The following OTUD7A variants were observed in gnomAD, a reference collection of about 807,000 sequenced individuals.
The protein encoded by OTUD7A is OTU domain-containing protein 7A.
In OTUD7A, 12 loss-of-function variants were observed where a neutral mutation model predicts 65.7. The ratio of observed to expected loss-of-function variants is 0.18; its 90% confidence interval spans 0.12 to 0.30. OTUD7A has a LOEUF of 0.30. OTUD7A is among the 10% of genes least tolerant of loss of function. The pLI, the probability that OTUD7A is intolerant of heterozygous loss-of-function variation, is 1.00. For synonymous variants in OTUD7A, 641 were observed against 586.3 expected, an observed-to-expected ratio of 1.09 and a Z score of -1.35; for missense variants, 1,148 against 1,304.8, an observed-to-expected ratio of 0.88 and a Z score of 1.85.
intron 1 of OTUD7A, among the ~76,000 whole-genome samples, chr15:31,686,071 G>A (rs762068635): frequency 6.6e-6 from 1 of 152,242 alleles, no homozygotes; most frequent in African/African-American, 2.4e-5. Flanking sequence ...CCAAAACCAA[G>A]TTCTGGGTGT....
rs181271830 is a variant in OTUD7A, at chr15:31,623,466, G to A, written c.151+31630C>T. Among the ~76,000 whole-genome samples, 458 of 152,332 alleles carry A rather than the reference G, an allele frequency of 3.0e-3. 3 individuals are homozygous for A. Among genetic ancestry groups the A allele is most frequent in the African/African-American group, 0.01 (425 of 41,588 alleles). ...TACCTACTCAAGCCTGAGCAATGGCGGGCGCCCCTCCCCCAGCCTCACTGC... is the reference window on the plus strand; with the variant it reads ...TACCTACTCAAGCCTGAGCAATGGCAGGCGCCCCTCCCCCAGCCTCACTGC... On this transcript the variant is annotated intron_variant, in intron 3 of 12. Transcript: ENST00000307050.
In OTUD7A at chr15:31,498,771, T is replaced by G. The variant is rs1006433958; in HGVS notation, c.1171+2919A>C. Among the ~76,000 whole-genome samples the G allele has an allele frequency of 2.0e-5, 3 of 152,170 alleles. No homozygotes were observed. The highest frequency in any genetic ancestry group is 4.4e-5 in the Non-Finnish European group (3 of 68,024). ...GGAGAAAGCAGGTGACCATCATGTG[T>G]GGAAGCTACCAAGAAAGAATGCATA... On this transcript the variant is annotated intron_variant, in intron 10 of 12. Transcript: ENST00000307050. The surrounding 1 kb of genome is among the most constrained non-coding windows in gnomAD (Gnocchi z 4.2).
chr15:31,833,612 T>C lies in OTUD7A; in HGVS notation c.-100+36895A>G, dbSNP rs540863169. Among the ~76,000 whole-genome samples, 3 of 152,346 alleles carry C rather than the reference T, an allele frequency of 2.0e-5. No homozygotes were observed. The South Asian group carries it at 6.2e-4, about 32-fold the overall frequency. On this transcript the variant is annotated intron_variant, in intron 1 of 12. Coordinates refer to ENST00000307050, the MANE Select transcript of OTUD7A (RefSeq NM_001382637.1). ...AAGACCAATGCTTAGCAAATATGTA[T>C]TTATGCAGTTTAACCAATAAAATGT...
intron 3 of OTUD7A, among the ~76,000 whole-genome samples, chr15:31,585,770 A>G (rs1185694160): frequency 6.6e-6 from 1 of 152,230 alleles, no homozygotes; most frequent in Admixed American, 6.5e-5. Flanking sequence ...ATGTATATGT[A>G]CATAGGTGTC....
chr15:31,674,248 G>A (rs1180355517), intron 1 of OTUD7A, among the ~76,000 whole-genome samples: 8 of 152,196 alleles, frequency 5.3e-5, no homozygotes, highest in Non-Finnish European at 1.0e-4. Flanking sequence ...ATACCCCAGT[G>A]TGTCCAGGAG....
intron 1 of OTUD7A, among the ~76,000 whole-genome samples, chr15:31,775,406 TAAGAACAGAGA>T (rs148449942): frequency 0.023 from 3,555 of 152,264 alleles, 137 homozygotes; most frequent in African/African-American, 0.08. Context: ...TATACTCCAA[TAAGAACAGAGA>T]AAAAAATAAA....
In OTUD7A at chr15:31,558,750, T is replaced by C. The variant is rs539629012; in HGVS notation, c.550+219A>G. ...AGGAGCAAGGGGAAAACTCGAGAGA[T>C]TTCAGCACCACCTAGTTATCGGCCC... On this transcript the variant is annotated intron_variant, in intron 5 of 12. Transcript: ENST00000307050. The C allele has an allele frequency of 6.7e-6, 4 of 598,384 alleles. No individual in the cohort carries two copies. The South Asian group carries it at 8.5e-5, about 13-fold the overall frequency. The allele number at this position is 598,384 out of a possible 1,614,324, so 37.1% of individuals were successfully genotyped here. A position where few individuals can be genotyped will look rare whatever the true frequency, so the allele number is the denominator to read the frequency against.
At chr15:31,768,057 C>T (rs766871533) in intron 1 of OTUD7A, 190 of 1,602,110 alleles carry the variant, frequency 1.2e-4, no homozygotes, top group Non-Finnish European at 3.9e-5. Flanking sequence ...CAATCCCCTG[C>T]TTCTCCTGCT....
At chr15:31,561,172 G>T (rs1292558762) in intron 4 of OTUD7A, among the ~76,000 whole-genome samples, 1 of 152,212 alleles carries the variant, frequency 6.6e-6, no homozygotes, top group East Asian at 1.9e-4. Flanking sequence ...AAAAAGAGAA[G>T]TTAAACCACA....
In OTUD7A at chr15:31,475,483, A is replaced by G. The variant is rs933218422; in HGVS notation, c.*7811T>C. ...ATGGAGAAGCCATGTCACACAGATTACAGAGCTATTTTTACTTGAAATAAT... is the reference window on the plus strand; with the variant it reads ...ATGGAGAAGCCATGTCACACAGATTGCAGAGCTATTTTTACTTGAAATAAT... On this transcript the variant is annotated 3_prime_UTR_variant, in exon 13 of 13. Coordinates refer to ENST00000307050, the MANE Select transcript of OTUD7A (RefSeq NM_001382637.1). The G allele has an allele frequency of 2.0e-5, 3 of 152,252 alleles. No individual in the cohort carries two copies. The highest frequency in any genetic ancestry group is 1.5e-5 in the Non-Finnish European group (1 of 68,048). 9.4% of individuals were successfully genotyped at this position (152,252 alleles called of 1,614,324 possible).
intron 1 of OTUD7A, among the ~76,000 whole-genome samples, chr15:31,715,380 G>C (rs2654042): frequency 0.87 from 125,766 of 143,832 alleles, 56,885 homozygotes; most frequent in East Asian, 1. Flanking sequence ...TGTGCCCTGG[G>C]ACTGACTTCA....
At chr15:31,504,708 GC>G (rs374366854) in intron 8 of OTUD7A, among the ~76,000 whole-genome samples, 1,560 of 73,832 alleles carry the variant, frequency 0.021, 20 homozygotes, top group African/African-American at 0.083. Context: ...AGCAGGTGGG[GC>G]CAGGGCTGGC....
intron 3 of OTUD7A, among the ~76,000 whole-genome samples, chr15:31,582,519 T>C (rs1889402993): frequency 6.6e-6 from 1 of 152,226 alleles, no homozygotes; most frequent in South Asian, 2.1e-4. Flanking sequence ...CAGTTACACA[T>C]GCTGGGGAGG....
intron 3 of OTUD7A, among the ~76,000 whole-genome samples, chr15:31,652,132 A>C (rs7495840): frequency 0.019 from 2,887 of 152,338 alleles, 93 homozygotes; most frequent in African/African-American, 0.067. Flanking sequence ...TGATAAAAGA[A>C]CAGACATAAT....
At chr15:31,799,981 T>C (rs1896075383) in intron 1 of OTUD7A, among the ~76,000 whole-genome samples, 1 of 152,076 alleles carries the variant, frequency 6.6e-6, no homozygotes, top group African/African-American at 2.4e-5. Context: ...CTCTAATCAC[T>C]GAAACCACAC....
intron 1 of OTUD7A, among the ~76,000 whole-genome samples, chr15:31,825,269 T>C (rs566830326): frequency 3.3e-5 from 5 of 152,354 alleles, no homozygotes; most frequent in Non-Finnish European, 5.9e-5. Flanking sequence ...AGAGGTTTAA[T>C]TGGACTTGCA....
intron 10 of OTUD7A, among the ~76,000 whole-genome samples, chr15:31,489,493 AC>A (rs1458578181): frequency 6.6e-6 from 1 of 151,948 alleles, no homozygotes; most frequent in Admixed American, 6.6e-5. Context: ...TGTCTTAGCC[AC>A]CCCGGCCCCA....
intron 1 of OTUD7A, among the ~76,000 whole-genome samples, chr15:31,763,923 T>C (rs1895037810): frequency 6.6e-6 from 1 of 152,180 alleles, no homozygotes; most frequent in South Asian, 2.1e-4. Flanking sequence ...CAGAATTCTA[T>C]ACTAAGTACA....
chr15:31,506,971 A>T (rs2041581868), intron 8 of OTUD7A, among the ~76,000 whole-genome samples: 1 of 152,224 alleles, frequency 6.6e-6, no homozygotes, highest in Non-Finnish European at 1.5e-5. Flanking sequence ...CATGTGTACA[A>T]ATGTAATAGT....
Sources: gnomAD v4.1 joint callset for allele counts (sites outside exome capture counted in the v4.1 genomes callset) on GRCh38, gnomAD v4.1.1 for gene constraint, Gnocchi (gnomAD v3.1) non-coding constraint, MANE v1.5 for transcripts, NCBI Gene and HGNC (gene_info 2026-07-23, HGNC 2026-07-21) for gene names.